Variants in PTPDC1 observed in about 807,000 individuals in gnomAD.
PTPDC1 encodes the protein protein tyrosine phosphatase domain containing 1.
Under a neutral mutation model 75.3 loss-of-function variants are expected in PTPDC1, and 53 were observed. The ratio of observed to expected loss-of-function variants is 0.70; its 90% CI spans 0.56 to 0.88. The LOEUF is 0.88. PTPDC1 is among the 40% of genes least tolerant of loss of function. PTPDC1 has a pLI of 0.00. For missense variants in PTPDC1, 925 were observed against 998.6 expected (o/e 0.93, Z 0.99); for synonymous variants, 349 against 366.2 (o/e 0.95, Z 0.54).
In PTPDC1 at chr9:94,058,889, G is replaced by T. The variant is rs145354499; in HGVS notation, c.-6-5845G>T. On this transcript the variant is annotated intron_variant, in intron 1 of 9. Coordinates refer to the PTPDC1 transcript ENST00000375360. ...GCCTGTAGTCCCAGCTACTTGGGAGGCTGAGGTAGCAGAATCACTTGAACC... is the reference window on the plus strand; with the variant it reads ...GCCTGTAGTCCCAGCTACTTGGGAGTCTGAGGTAGCAGAATCACTTGAACC... 6.5e-4 allele frequency among the ~76,000 whole-genome samples: 99 copies of T among 152,204 alleles called. 2 individuals carry two copies. The East Asian group carries it at 0.014, about 22-fold the overall frequency.
chr9:94,060,749 T>C (rs528292181), intron 1 of PTPDC1, among the ~76,000 whole-genome samples: 12 of 152,224 alleles, frequency 7.9e-5, no homozygotes, highest in African/African-American at 2.9e-4. Flanking sequence ...ACTCACTCAC[T>C]ATACACTACC....
chr9:94,087,791 G>T (rs537959729), intron 2 of PTPDC1, 40 bp from the exon 3 acceptor site: 1 of 1,463,114 alleles, frequency 6.8e-7, no homozygotes, highest in South Asian at 1.2e-5. Flanking sequence ...GAACTTCCTA[G>T]GTTTCAGCAC....
chr9:94,079,021 G>T lies in PTPDC1; in HGVS notation c.83-6230G>T, dbSNP rs1318401219. 2.0e-5 allele frequency among the ~76,000 whole-genome samples: 3 copies of T among 152,062 alleles called. 1 individual carries two copies. The highest frequency in any genetic ancestry group is 7.2e-5 in the African/African-American group (3 of 41,398). ...GTCTATTGACTACACTTTTTTCTGT[G>T]TATAGGTCATACTTTTTTCTTTCTT... On this transcript the variant is annotated intron_variant, in intron 2 of 9. Coordinates refer to the PTPDC1 transcript ENST00000375360.
rs151312354 is a variant in PTPDC1, at chr9:94,097,860, G to A, written c.1294G>A (p.Val432Ile). Reference protein sequence around the residue: ...QFDPLWKRRNVECLQPLTHLK... With the variant: ...QFDPLWKRRNIECLQPLTHLK... ...TGACCCTCTTTGGAAAAGGCGGAATGTTGAGTGCCTTCAACCCCTGACTCA... is the reference window on the plus strand; with the variant it reads ...TGACCCTCTTTGGAAAAGGCGGAATATTGAGTGCCTTCAACCCCTGACTCA... The change falls in exon 6 of 9, where the codon GTT (valine) becomes ATT (isoleucine). Residue 432 changes from valine (V) to isoleucine (I), a missense_variant. Val to Ile is a conservative substitution (Grantham distance 29, BLOSUM62 3). Transcript: ENST00000620992. 3,603 of 1,614,170 alleles carry A rather than the reference G, an allele frequency of 2.2e-3. 5 individuals are homozygous for A. The highest frequency in any genetic ancestry group is 2.7e-3 in the Non-Finnish European group (3,241 of 1,180,030).
intron 1 of PTPDC1, among the ~76,000 whole-genome samples, chr9:94,033,988 A>C (rs888099045): frequency 2.7e-4 from 41 of 152,224 alleles, no homozygotes; most frequent in Admixed American, 3.3e-4. Flanking sequence ...AGATGTAGAC[A>C]ATATAACTGT....
rs887796366 is a variant in PTPDC1 at position 94,097,412 on chromosome 9, A to C, written c.846A>C (p.Ile282=). ...TGCGGGCAAAGCGACCCAATTCCATACAAACCAGAGGACAGCTCCTCTGTG... is the reference window on the plus strand; with the variant it reads ...TGCGGGCAAAGCGACCCAATTCCATCCAAACCAGAGGACAGCTCCTCTGTG... ...IFVRAKRPNS[I]QTRGQLLCVR... Residue 282 remains isoleucine, a synonymous_variant, in exon 6 of 9, where the codon ATA becomes ATC. Coordinates refer to ENST00000620992, the MANE Select transcript of PTPDC1 (RefSeq NM_001253829.2). 6.2e-7 allele frequency: 1 copy of C among 1,613,960 alleles called. No individual in the cohort carries two copies. The highest frequency in any genetic ancestry group is 1.3e-5 in the African/African-American group (1 of 74,930).
intron 3 of PTPDC1, 80 bp downstream of exon 3, chr9:94,087,991 G>C: frequency 6.8e-7 from 1 of 1,464,560 alleles, no homozygotes; most frequent in Non-Finnish European, 9.5e-7. Flanking sequence ...AAGTGAAAGA[G>C]TGCTTTCATT....
At chr9:94,036,146 A>G (rs1326720398) in intron 1 of PTPDC1, among the ~76,000 whole-genome samples, 1 of 147,262 alleles carries the variant, frequency 6.8e-6, no homozygotes. Context: ...TTGTCTTGTC[A>G]TTTTGTTGAT....
chr9:94,051,404 TA>T (rs1407760607), intron 1 of PTPDC1, among the ~76,000 whole-genome samples: 1 of 152,238 alleles, frequency 6.6e-6, no homozygotes, highest in African/African-American at 2.4e-5. Context: ...TGTGACTTTT[TA>T]AAAATAGTCC....
At chr9:94,091,439 G>C (rs1229307239) in intron 4 of PTPDC1, among the ~76,000 whole-genome samples, 1 of 152,032 alleles carries the variant, frequency 6.6e-6, no homozygotes, top group Non-Finnish European at 1.5e-5. Flanking sequence ...AAGCCCAGTT[G>C]ATCATGGTGG....
intron 8 of PTPDC1, among the ~76,000 whole-genome samples, chr9:94,105,895 C>T (rs899352041): frequency 1.4e-4 from 21 of 151,816 alleles, no homozygotes; most frequent in Admixed American, 1.3e-4. Context: ...ATGGTGTGAA[C>T]CCGGGAGGCG....
chr9:94,056,177 C>G (rs75823581), intron 1 of PTPDC1, among the ~76,000 whole-genome samples: 1 of 152,172 alleles, frequency 6.6e-6, no homozygotes, highest in East Asian at 1.9e-4. Flanking sequence ...ATTAGATGAG[C>G]TAAGATTATA....
intron 2 of PTPDC1, among the ~76,000 whole-genome samples, chr9:94,077,388 C>A (rs1042580909): frequency 6.6e-6 from 1 of 152,158 alleles, no homozygotes; most frequent in Non-Finnish European, 1.5e-5. Context: ...AAGATTGCCT[C>A]CTACTTCTGA....
intron 2 of PTPDC1, among the ~76,000 whole-genome samples, chr9:94,077,892 C>G (rs1267666812): frequency 6.6e-6 from 1 of 152,178 alleles, no homozygotes; most frequent in East Asian, 1.9e-4. Context: ...CATTAACATA[C>G]AAAAAGATAT....
intron 2 of PTPDC1, among the ~76,000 whole-genome samples, chr9:94,070,792 C>T (rs1564020179): frequency 6.6e-6 from 1 of 152,140 alleles, no homozygotes; most frequent in Non-Finnish European, 1.5e-5. Context: ...TGACTTTTTT[C>T]AGTCAGCCTA....
At chr9:94,040,096 A>C (rs573297203) in intron 1 of PTPDC1, among the ~76,000 whole-genome samples, 1 of 152,332 alleles carries the variant, frequency 6.6e-6, no homozygotes, top group Non-Finnish European at 1.5e-5. Flanking sequence ...GGTAGTTACA[A>C]AGTTACTTTC....
At chr9:94,048,388 G>T (rs1587845145) in intron 1 of PTPDC1, among the ~76,000 whole-genome samples, 1 of 152,170 alleles carries the variant, frequency 6.6e-6, no homozygotes, top group Non-Finnish European at 1.5e-5. Flanking sequence ...GTGTCCCAGA[G>T]ATTCTTGTAT....
chr9:94,063,452 C>A (rs1826205372), intron 1 of PTPDC1, among the ~76,000 whole-genome samples: 1 of 152,138 alleles, frequency 6.6e-6, no homozygotes. Context: ...ATTTGAAATA[C>A]TATGCACATT....
chr9:94,098,670 T>C (rs1827720113), intron 6 of PTPDC1, 91 bp downstream of exon 6: 10 of 1,116,984 alleles, frequency 9.0e-6, no homozygotes, highest in Non-Finnish European at 1.3e-5. Context: ...TTATTTATTA[T>C]AGAAATGTGA....
Sources: gnomAD v4.1 joint callset for allele counts (sites outside exome capture counted in the v4.1 genomes callset) on GRCh38, gnomAD v4.1.1 for gene constraint, MANE v1.5 for transcripts, NCBI Gene and HGNC (gene_info 2026-07-23, HGNC 2026-07-21) for gene names.